The following DLG2 variants were observed in gnomAD, a reference collection of about 807,000 sequenced individuals.
DLG2 encodes the protein disks large homolog 2.
In DLG2, 45 loss-of-function variants were observed where a neutral mutation model predicts 132.5. The ratio of observed to expected loss-of-function variants is 0.34; its 90% CI spans 0.27 to 0.44. The LOEUF is 0.44. DLG2 is among the 20% of genes least tolerant of loss of function. The pLI is 1.00. For synonymous variants in DLG2, 424 were observed against 419.6 expected, an observed-to-expected ratio of 1.01 and a Z score of -0.13; for missense variants, 1,045 against 1,196.9, an observed-to-expected ratio of 0.87 and a Z score of 1.87.
At chr11:84,141,772 T>C in intron 9 of DLG2, among the ~76,000 whole-genome samples, 1 of 152,148 alleles carries the variant, frequency 6.6e-6, no homozygotes, top group East Asian at 1.9e-4. Context: ...TATTGAGCCA[T>C]ATTTTAGTTC....
intron 3 of DLG2, among the ~76,000 whole-genome samples, chr11:85,350,750 T>C (rs187601497): frequency 2.0e-5 from 3 of 152,358 alleles, no homozygotes; most frequent in Admixed American, 6.5e-5. Context: ...AGGCCTCTGT[T>C]CTGTTCCATT....
intron 14 of DLG2, among the ~76,000 whole-genome samples, chr11:83,954,327 G>T (rs566491405): frequency 9.2e-5 from 14 of 152,160 alleles, no homozygotes; most frequent in African/African-American, 3.4e-4. Flanking sequence ...GATTCTTCAT[G>T]GTTTATATAA....
chr11:85,203,010 T>G (rs952348879), intron 4 of DLG2, among the ~76,000 whole-genome samples: 12 of 150,502 alleles, frequency 8.0e-5, no homozygotes, highest in Admixed American at 8.0e-4. Context: ...ACCCAACTTA[T>G]ATTATTAAAT....
intron 11 of DLG2, among the ~76,000 whole-genome samples, chr11:84,040,343 T>C (rs1265983008): frequency 6.6e-6 from 1 of 152,178 alleles, no homozygotes; most frequent in Non-Finnish European, 1.5e-5. Flanking sequence ...CTAGGATTTT[T>C]ATGGTTTTAG....
chr11:85,625,991 G>A (rs1211372385), intron 2 of DLG2, among the ~76,000 whole-genome samples: 1 of 152,188 alleles, frequency 6.6e-6, no homozygotes, highest in Non-Finnish European at 1.5e-5. Flanking sequence ...AAAAACAGGT[G>A]TTTGCCCCAT....
chr11:83,842,892 T>C (rs1221769056), intron 16 of DLG2, among the ~76,000 whole-genome samples: 2 of 152,022 alleles, frequency 1.3e-5, no homozygotes, highest in Admixed American at 6.5e-5. Flanking sequence ...GGCTATTCCT[T>C]GAACTCTGAG....
chr11:83,589,558 G>C (rs1183123465), intron 19 of DLG2, among the ~76,000 whole-genome samples: 1 of 150,462 alleles, frequency 6.6e-6, no homozygotes, highest in Admixed American at 6.6e-5. Context: ...AAAGACCATC[G>C]AGACTAGGAA....
chr11:84,028,843 G>C (rs2095612896), intron 11 of DLG2, among the ~76,000 whole-genome samples: 1 of 152,022 alleles, frequency 6.6e-6, no homozygotes, highest in African/African-American at 2.4e-5. Context: ...TTCTTGATTA[G>C]TACTCAAAAT....
At chr11:83,675,659 C>A (rs866014336) in intron 18 of DLG2, among the ~76,000 whole-genome samples, 43 of 152,278 alleles carry the variant, frequency 2.8e-4, no homozygotes, top group African/African-American at 8.4e-4. Context: ...TTTTCAACAA[C>A]AAATTTTTGT....
intron 6 of DLG2, among the ~76,000 whole-genome samples, chr11:85,065,958 G>T (rs2064852954): frequency 6.6e-6 from 1 of 151,368 alleles, no homozygotes; most frequent in African/African-American, 2.4e-5. Flanking sequence ...AAAGAATAAA[G>T]ATCAGAGCAG....
chr11:83,825,655 T>A (rs1451980083), intron 17 of DLG2, among the ~76,000 whole-genome samples: 1 of 152,122 alleles, frequency 6.6e-6, no homozygotes, highest in Admixed American at 6.5e-5. Context: ...GTGAACAAGA[T>A]GGAGGTAGGA....
Position 84,534,677 on chromosome 11 carries a change from T to A in DLG2, c.412A>T (p.Thr138Ser). The A allele has an allele frequency of 5.0e-6, 8 of 1,614,000 alleles. No homozygotes were observed. The highest frequency in any genetic ancestry group is 6.8e-6 in the Non-Finnish European group (8 of 1,179,912). The change falls in exon 7 of 28, where the codon ACC becomes TCC. Residue 138 changes from threonine (T) to serine (S), a missense_variant. This residue lies in a region of DLG2 where 277 missense variants were observed against 238.2 expected (regional missense o/e 1.16). Coordinates refer to ENST00000376104, the MANE Select transcript of DLG2 (RefSeq NM_001142699.3). ...AGTTCTGGGCCTCTTACTTCGTGGG[T>A]TAGTCGAGGTAAGGAATGATCATGT... ...APHDHSLPRLTHEVRGPELVH... is the reference protein window; with the variant it reads ...APHDHSLPRLSHEVRGPELVH...
intron 6 of DLG2, among the ~76,000 whole-genome samples, chr11:84,614,119 A>G (rs2099600077): frequency 6.6e-6 from 1 of 152,226 alleles, no homozygotes; most frequent in South Asian, 2.1e-4. Context: ...TTCAACAAAT[A>G]TCTTTTGATT....
chr11:85,419,813 T>G (rs1228493535), intron 3 of DLG2, among the ~76,000 whole-genome samples: 1 of 152,228 alleles, frequency 6.6e-6, no homozygotes, highest in African/African-American at 2.4e-5. Flanking sequence ...CAACTGGTTA[T>G]TCTAGTTAGC....
intron 3 of DLG2, among the ~76,000 whole-genome samples, chr11:85,412,748 CACACACACACACAT>C (rs2089438439): frequency 7.5e-6 from 1 of 133,572 alleles, no homozygotes; most frequent in Non-Finnish European, 1.6e-5. Flanking sequence ...CACACACACA[CACACACACACACAT>C]ATATATATAT....
At chr11:85,140,902 A>G (rs1052224893) in intron 5 of DLG2, among the ~76,000 whole-genome samples, 2 of 151,916 alleles carry the variant, frequency 1.3e-5, no homozygotes, top group Non-Finnish European at 2.9e-5. Flanking sequence ...GTTGTTGCAA[A>G]TGATAGGAGT....
chr11:84,293,801 A>T (rs1261001508), intron 7 of DLG2, among the ~76,000 whole-genome samples: 4 of 152,254 alleles, frequency 2.6e-5, no homozygotes, highest in African/African-American at 9.6e-5. Context: ...AGAGATGATT[A>T]TATGGACAAT....
At chr11:84,593,018 G>A (rs1040882833) in intron 6 of DLG2, among the ~76,000 whole-genome samples, 7 of 149,820 alleles carry the variant, frequency 4.7e-5, no homozygotes, top group African/African-American at 1.5e-4. Flanking sequence ...CCTCGGGAGG[G>A]TGAGGCAGGA....
At chr11:84,233,866 G>C (rs1331911102) in intron 8 of DLG2, among the ~76,000 whole-genome samples, 1 of 152,174 alleles carries the variant, frequency 6.6e-6, no homozygotes, top group Non-Finnish European at 1.5e-5. Flanking sequence ...GTAAATCTCA[G>C]TTGTTACTCC....
Sources: gnomAD v4.1 joint callset for allele counts (sites outside exome capture counted in the v4.1 genomes callset) on GRCh38, gnomAD v4.1.1 for gene constraint, gnomAD v4.1.1 regional missense constraint, MANE v1.5 for transcripts, NCBI Gene and HGNC (gene_info 2026-07-23, HGNC 2026-07-21) for gene names.